RAB1A: variants seen among roughly 807,000 people sequenced by gnomAD.
RAB1A encodes RAB1A, member RAS oncogene family.
A neutral mutation model predicts 26.0 loss-of-function variants in RAB1A; 2 were observed. The observed-to-expected ratio is 0.08, with a 90% CI of 0.03 to 0.24. The LOEUF is 0.24. Ranked by LOEUF, RAB1A falls within the 10% of genes least tolerant of loss-of-function variation. RAB1A has a pLI of 1.00. For synonymous variants in RAB1A, 84 were observed against 84.9 expected (o/e 0.99, Z 0.06); for missense variants, 100 against 247.0 (o/e 0.40, Z 3.99).
At chr2:65,126,492 T>C (rs1418501080) in intron 1 of RAB1A, among the ~76,000 whole-genome samples, 1 of 152,092 alleles carries the variant, frequency 6.6e-6, no homozygotes, top group Non-Finnish European at 1.5e-5. Flanking sequence ...AACTCTTATG[T>C]AAACCAATAT....
At chr2:65,100,196 T>G (rs1170790074) in intron 2 of RAB1A, among the ~76,000 whole-genome samples, 2 of 149,290 alleles carry the variant, frequency 1.3e-5, no homozygotes, top group Middle Eastern at 3.7e-3. Flanking sequence ...GGTCAGGAGT[T>G]TGAGATCAGC....
At chr2:65,113,186 C>A (rs1345256505) in intron 1 of RAB1A, among the ~76,000 whole-genome samples, 5 of 152,264 alleles carry the variant, frequency 3.3e-5, no homozygotes, top group Admixed American at 3.3e-4. Context: ...ACCCCAGAAC[C>A]CTTGTTTCAA....
chr2:65,103,304 A>AAAAAAAACAAAAAAAAAC (rs1553392771), intron 2 of RAB1A, among the ~76,000 whole-genome samples: 11 of 112,502 alleles, frequency 9.8e-5, no homozygotes, highest in South Asian at 3.0e-4. Flanking sequence ...TGTCTCAAAA[A>AAAAAAAACAAAAAAAAAC]AAAAAAAAAA....
In RAB1A at chr2:65,088,670, TC is replaced by T; in HGVS notation, c.440del (p.Gly147GlufsTer15). The T allele has an allele frequency of 6.2e-7, 1 of 1,607,980 alleles. No individual in the cohort carries two copies. Among genetic ancestry groups the T allele is most frequent in the Non-Finnish European group, 8.5e-7 (1 of 1,177,058 alleles). ...TAGCACTGGTTTCCAAAAACGGAAT[TC>T]CAAGGGAATCAGCAAATTCCTAAGA... ...TTAKEFADSL[G>X]IPFLETSAKN... On this transcript the variant is annotated frameshift_variant, in exon 6 of 6. Transcript: ENST00000409784. LOFTEE classifies it high-confidence loss of function.
chr2:65,121,209 T>C (rs1170609938), intron 1 of RAB1A, among the ~76,000 whole-genome samples: 1 of 118,206 alleles, frequency 8.5e-6, no homozygotes, highest in South Asian at 2.8e-4. Flanking sequence ...CACTCCAGCC[T>C]GGGAGACAGA....
intron 1 of RAB1A, among the ~76,000 whole-genome samples, chr2:65,119,585 A>C (rs1016996150): frequency 6.7e-6 from 1 of 148,224 alleles, no homozygotes; most frequent in Non-Finnish European, 1.5e-5. Flanking sequence ...AAACAAAAAC[A>C]AAAAAAAACA....
At chr2:65,111,057 CA>C (rs1669682763) in intron 1 of RAB1A, among the ~76,000 whole-genome samples, 1 of 152,030 alleles carries the variant, frequency 6.6e-6, no homozygotes, top group Non-Finnish European at 1.5e-5. Flanking sequence ...ATGACCTCAC[CA>C]AAGTATATCC....
At chr2:65,125,864 C>CT (rs55930968) in intron 1 of RAB1A, among the ~76,000 whole-genome samples, 1,235 of 74,724 alleles carry the variant, frequency 0.017, 223 homozygotes, top group Middle Eastern at 0.049. Flanking sequence ...TTTCAATTGC[C>CT]TTTTTTTTTT....
At chr2:65,108,803 T>C (rs916204270) in intron 1 of RAB1A, among the ~76,000 whole-genome samples, 3 of 152,034 alleles carry the variant, frequency 2.0e-5, no homozygotes, top group Admixed American at 6.6e-5. Context: ...CGAAACTCCA[T>C]CTCAAAAAAA....
chr2:65,100,328 G>A (rs971390512), intron 2 of RAB1A, among the ~76,000 whole-genome samples: 1 of 150,392 alleles, frequency 6.6e-6, no homozygotes, highest in Non-Finnish European at 1.5e-5. Context: ...TTGAACCCGG[G>A]AGGTGAAGGT....
chr2:65,105,163 G>A (rs1669524209), intron 1 of RAB1A, among the ~76,000 whole-genome samples: 1 of 152,084 alleles, frequency 6.6e-6, no homozygotes, highest in South Asian at 2.1e-4. Flanking sequence ...AATACAGAAA[G>A]GTAACTTTTC....
intron 1 of RAB1A, among the ~76,000 whole-genome samples, chr2:65,120,104 C>T (rs972564079): frequency 1.3e-5 from 2 of 151,978 alleles, no homozygotes; most frequent in Admixed American, 6.6e-5. Context: ...AGCTATTTGA[C>T]TATTTTTATA....
At chr2:65,124,828 G>A (rs547187463) in intron 1 of RAB1A, among the ~76,000 whole-genome samples, 29 of 152,058 alleles carry the variant, frequency 1.9e-4, no homozygotes, top group Admixed American at 9.2e-4. Context: ...TATTTTAAAG[G>A]TTTTATACAA....
chr2:65,111,686 C>A (rs780126322), intron 1 of RAB1A, among the ~76,000 whole-genome samples: 1 of 152,070 alleles, frequency 6.6e-6, no homozygotes, highest in Admixed American at 6.5e-5. Context: ...TTAGGAAAAG[C>A]GGAAAGAAGG....
At chr2:65,122,109 T>C (rs999057572) in intron 1 of RAB1A, among the ~76,000 whole-genome samples, 2 of 136,732 alleles carry the variant, frequency 1.5e-5, no homozygotes, top group African/African-American at 2.8e-5. Flanking sequence ...TAAGCCAAGA[T>C]TGTGCCACTG....
chr2:65,108,310 T>C (rs1304589571), intron 1 of RAB1A, among the ~76,000 whole-genome samples: 2 of 141,126 alleles, frequency 1.4e-5, no homozygotes, highest in Non-Finnish European at 3.0e-5. Context: ...TGCAGTGCGC[T>C]GACATCACAC....
intron 3 of RAB1A, among the ~76,000 whole-genome samples, chr2:65,091,669 G>A (rs570149077): frequency 4.3e-4 from 65 of 152,230 alleles, no homozygotes; most frequent in African/African-American, 1.4e-3. Context: ...GGGACTACAG[G>A]CACATGCCAC....
At position 65,108,514 on chromosome 2, in the gene RAB1A, C is replaced by T. The variant is rs547889349; in HGVS notation, c.24-3708G>A. On this transcript the variant is annotated intron_variant, in intron 1 of 5. Coordinates refer to ENST00000409784, the MANE Select transcript of RAB1A (RefSeq NM_004161.5). The stretch of plus-strand genomic sequence containing the variant: ...TACAAATATAACACTCTTATTTTAA[C>T]GCATTATGGCTGGGCACAGTGGCTC... 5.6e-4 allele frequency among the ~76,000 whole-genome samples: 85 copies of T among 151,922 alleles called. 2 individuals are homozygous for T. In the South Asian group the frequency reaches 0.016, roughly 29 times the overall value.
intron 3 of RAB1A, among the ~76,000 whole-genome samples, chr2:65,094,001 G>A (rs146497574): frequency 9.9e-4 from 148 of 148,812 alleles, no homozygotes; most frequent in African/African-American, 3.4e-3. Flanking sequence ...ACAAGGTCTC[G>A]CTCTGTTGCC....
Sources: gnomAD v4.1 joint callset for allele counts (sites outside exome capture counted in the v4.1 genomes callset) on GRCh38, gnomAD v4.1.1 for gene constraint, MANE v1.5 for transcripts, NCBI Gene and HGNC (gene_info 2026-07-23, HGNC 2026-07-21) for gene names.